Variants in MCTP2 observed in about 807,000 individuals in gnomAD.
MCTP2 encodes multiple C2 and transmembrane domain containing 2, also known as multiple C2 and transmembrane domain-containing protein 2.
MCTP2 carries 132 observed loss-of-function variants against 111.6 expected under a neutral mutation model. The observed-to-expected ratio is 1.18, with a 90% confidence interval of 1.03 to 1.37. The LOEUF is 1.37. Ranked by LOEUF, MCTP2 falls within the 40% of genes most tolerant of loss-of-function variation. MCTP2 has a pLI of 0.00. For synonymous variants in MCTP2, 395 were observed against 387.7 expected (o/e 1.02, Z -0.22); for missense variants, 1,183 against 1,067.9 (o/e 1.11, Z -1.50).
At chr15:94,316,733 G>T (rs1293578516) in intron 4 of MCTP2, among the ~76,000 whole-genome samples, 1 of 152,022 alleles carries the variant, frequency 6.6e-6, no homozygotes, top group Non-Finnish European at 1.5e-5. Context: ...TTGTCCTTTA[G>T]AAGTTTTTCA....
intron 21 of MCTP2, among the ~76,000 whole-genome samples, chr15:94,472,327 A>T (rs1029940252): frequency 7.2e-5 from 11 of 152,360 alleles, no homozygotes; most frequent in Non-Finnish European, 1.0e-4. Flanking sequence ...CAGGGAGCTG[A>T]GATCAAGCCA....
chr15:94,483,766 T>C lies in MCTP2; in HGVS notation c.*4732T>C, dbSNP rs1396412016. 1 of 152,128 alleles carries C rather than the reference T, an allele frequency of 6.6e-6. No individual in the cohort carries two copies. Among genetic ancestry groups the C allele is most frequent in the Non-Finnish European group, 1.5e-5 (1 of 68,010 alleles). 9.4% of individuals were successfully genotyped at this position (152,128 alleles called of 1,614,324 possible). Reference sequence around the variant, plus strand: ...AATAATGAGTACCAGGCTTAATACATGGGCGATGAAATAATCTGTATGACA... The same window carrying C: ...AATAATGAGTACCAGGCTTAATACACGGGCGATGAAATAATCTGTATGACA... On this transcript the variant is annotated 3_prime_UTR_variant, in exon 23 of 23. Coordinates refer to ENST00000357742, the MANE Select transcript of MCTP2 (RefSeq NM_001385001.1).
At chr15:94,245,200 A>G (rs1028444477) in intron 1 of MCTP2, among the ~76,000 whole-genome samples, 5 of 143,474 alleles carry the variant, frequency 3.5e-5, no homozygotes, top group Non-Finnish European at 7.7e-5. Context: ...ATATGTATGT[A>G]TATATTTATA....
At chr15:94,253,706 T>C (rs150351102) in intron 1 of MCTP2, among the ~76,000 whole-genome samples, 1 of 152,048 alleles carries the variant, frequency 6.6e-6, no homozygotes, top group East Asian at 1.9e-4. Context: ...TAAAGGATAC[T>C]GTAATAGTCT....
At chr15:94,422,246 G>A (rs563591768) in intron 17 of MCTP2, among the ~76,000 whole-genome samples, 1 of 152,086 alleles carries the variant, frequency 6.6e-6, no homozygotes, top group East Asian at 1.9e-4. Flanking sequence ...ATGGGGAGAG[G>A]AATGGATGGG....
intron 1 of MCTP2, among the ~76,000 whole-genome samples, chr15:94,290,459 C>T (rs1312739797): frequency 1.3e-5 from 2 of 151,996 alleles, no homozygotes; most frequent in African/African-American, 4.8e-5. Context: ...AAATGGAACA[C>T]TATAACCTCA....
At chr15:94,243,407 A>ATACATACGTATGCGTATATGCGTATG (rs2071259303) in intron 1 of MCTP2, among the ~76,000 whole-genome samples, 2 of 143,708 alleles carry the variant, frequency 1.4e-5, no homozygotes, top group Non-Finnish European at 3.0e-5. Flanking sequence ...GCGTATGTAC[A>ATACATACGTATGCGTATATGCGTATG]TACATACGTA....
At chr15:94,462,530 G>C (rs1026879613) in intron 20 of MCTP2, among the ~76,000 whole-genome samples, 1 of 152,226 alleles carries the variant, frequency 6.6e-6, no homozygotes, top group Non-Finnish European at 1.5e-5. Context: ...AATGGGGAAA[G>C]AGTCTAGTAA....
intron 17 of MCTP2, among the ~76,000 whole-genome samples, chr15:94,432,479 AT>A (rs1437736910): frequency 6.6e-6 from 1 of 152,174 alleles, no homozygotes; most frequent in East Asian, 1.9e-4. Context: ...TCAAAGTTCT[AT>A]TCTAAATAAT....
At chr15:94,337,247 A>G (rs1017364117) in intron 4 of MCTP2, among the ~76,000 whole-genome samples, 17 of 152,116 alleles carry the variant, frequency 1.1e-4, no homozygotes, top group South Asian at 4.2e-4. Context: ...CCCTTTTTCT[A>G]TTAATTCCAG....
intron 1 of MCTP2, among the ~76,000 whole-genome samples, chr15:94,245,533 CATACATGTATATATTTATATAT>C (rs1454423339): frequency 1.4e-5 from 2 of 138,850 alleles, no homozygotes; most frequent in African/African-American, 2.6e-5. Flanking sequence ...TATTTATATA[CATACATGTATATATTTATATAT>C]GTATACATAT....
chr15:94,328,159 T>C (rs1218909656), intron 4 of MCTP2, among the ~76,000 whole-genome samples: 2 of 151,506 alleles, frequency 1.3e-5, no homozygotes, highest in African/African-American at 2.4e-5. Flanking sequence ...ATGGGAGTTT[T>C]GCTCTGTCAC....
chr15:94,287,376 C>T (rs1161389953), intron 1 of MCTP2, among the ~76,000 whole-genome samples: 3 of 151,948 alleles, frequency 2.0e-5, no homozygotes, highest in East Asian at 1.9e-4. Context: ...CTGGGAAATA[C>T]GCTGTTTATT....
At chr15:94,267,748 T>C (rs2073627334) in intron 1 of MCTP2, among the ~76,000 whole-genome samples, 1 of 152,128 alleles carries the variant, frequency 6.6e-6, no homozygotes, top group African/African-American at 2.4e-5. Context: ...CACTTTGCAT[T>C]GTCAGGATTT....
chr15:94,481,771 C>G lies in MCTP2; in HGVS notation c.*2737C>G, dbSNP rs757797579. On this transcript the variant is annotated 3_prime_UTR_variant, in exon 23 of 23. Coordinates refer to ENST00000357742, the MANE Select transcript of MCTP2 (RefSeq NM_001385001.1). ...TCCTCCACTGAATAGCCCATTACAG[C>G]TAGCACCTAATAGTTACTCAGGAAA... 1 of 152,242 alleles carries G rather than the reference C, an allele frequency of 6.6e-6. No homozygotes were observed. The highest frequency in any genetic ancestry group is 2.4e-5 in the African/African-American group (1 of 41,458). The allele number at this position is 152,242 out of a possible 1,614,324, so 9.4% of individuals were successfully genotyped here.
At chr15:94,331,674 T>TTCA (rs2077139845) in intron 4 of MCTP2, among the ~76,000 whole-genome samples, 1 of 152,242 alleles carries the variant, frequency 6.6e-6, no homozygotes, top group African/African-American at 2.4e-5. Flanking sequence ...CGCTGTATAT[T>TTCA]GGTCATTGGA....
In MCTP2 at chr15:94,298,340, G is replaced by C. The variant is rs1274607732; in HGVS notation, c.75G>C (p.Lys25Asn). The C allele has an allele frequency of 1.9e-6, 3 of 1,614,150 alleles. No individual in the cohort carries two copies. Among genetic ancestry groups the C allele is most frequent in the South Asian group, 1.1e-5 (1 of 91,074 alleles). ...RTRPLLINLS[K>N]KKVKKNPSKP... ...GGCCATTGTTGATCAACTTGAGCAA[G>C]AAGAAGGTGAAAAAGAACCCAAGTA... The change falls in exon 2 of 23, where the codon AAG (lysine) becomes AAC (asparagine). Residue 25 changes from lysine (K) to asparagine (N), a missense_variant. Coordinates refer to ENST00000357742, the MANE Select transcript of MCTP2 (RefSeq NM_001385001.1).
chr15:94,258,673 T>C (rs2073000122), intron 1 of MCTP2, among the ~76,000 whole-genome samples: 1 of 152,208 alleles, frequency 6.6e-6, no homozygotes, highest in African/African-American at 2.4e-5. Flanking sequence ...AAAAAAATCT[T>C]GTCTATTTCA....
intron 1 of MCTP2, among the ~76,000 whole-genome samples, chr15:94,275,863 T>C (rs2074164711): frequency 6.7e-6 from 1 of 149,882 alleles, no homozygotes; most frequent in Non-Finnish European, 1.5e-5. Context: ...TTTTTTTTTT[T>C]GAGAGATGGA....
Sources: gnomAD v4.1 joint callset for allele counts (sites outside exome capture counted in the v4.1 genomes callset) on GRCh38, gnomAD v4.1.1 for gene constraint, MANE v1.5 for transcripts, NCBI Gene and HGNC (gene_info 2026-07-23, HGNC 2026-07-21) for gene names.